Variants in AK9 observed in about 807,000 individuals in gnomAD.
AK9 encodes adenylate kinase 9.
In AK9, 191 loss-of-function variants were observed where a neutral mutation model predicts 239.6. The observed-to-expected ratio is 0.80, with a 90% CI of 0.71 to 0.90. The LOEUF (loss-of-function observed/expected upper bound fraction) is 0.90, where lower values mean the gene tolerates loss of function less well. AK9 is among the 40% of genes least tolerant of loss of function. The probability of loss-of-function intolerance (pLI) is 0.00; values close to 1 mark genes in which losing one functional copy is unlikely to be tolerated. For missense variants in AK9, 1,995 were observed against 2,214.7 expected (o/e 0.90, Z 1.99); for synonymous variants, 689 against 721.0 (o/e 0.96, Z 0.71).
At chr6:109,565,389 C>T (rs1786335500) in intron 21 of AK9, among the ~76,000 whole-genome samples, 1 of 152,122 alleles carries the variant, frequency 6.6e-6, no homozygotes, top group Non-Finnish European at 1.5e-5. Context: ...GTGGGAAGAT[C>T]ACTTGATCCC....
chr6:109,520,123 A>C (rs1408564577), intron 29 of AK9, among the ~76,000 whole-genome samples: 1 of 151,956 alleles, frequency 6.6e-6, no homozygotes, highest in East Asian at 1.9e-4. Context: ...GTGGGAGCTA[A>C]GCTCCCACTT....
chr6:109,686,185 A>C (rs1461763797), intron 1 of AK9, among the ~76,000 whole-genome samples: 1 of 152,238 alleles, frequency 6.6e-6, no homozygotes, highest in Non-Finnish European at 1.5e-5. Context: ...TTGATCCACA[A>C]TATTGACAAT....
intron 39 of AK9, 83 bp downstream of exon 39, chr6:109,495,255 G>T: frequency 8.8e-7 from 1 of 1,130,660 alleles, no homozygotes; most frequent in Non-Finnish European, 1.2e-6. Context: ...GAATTTTATT[G>T]TTCCCAAAAT....
chr6:109,573,915 A>G (rs1787739806), intron 20 of AK9, among the ~76,000 whole-genome samples: 1 of 152,198 alleles, frequency 6.6e-6, no homozygotes, highest in Admixed American at 6.5e-5. Flanking sequence ...TGGCTACATC[A>G]GCACCATTCA....
chr6:109,602,217 G>T (rs1792112012), intron 17 of AK9, among the ~76,000 whole-genome samples: 1 of 152,160 alleles, frequency 6.6e-6, no homozygotes, highest in African/African-American at 2.4e-5. Context: ...GGTACTGGTT[G>T]TTCCTTTCCA....
intron 27 of AK9, among the ~76,000 whole-genome samples, chr6:109,540,566 C>T (rs1044253311): frequency 1.3e-4 from 20 of 152,210 alleles, no homozygotes; most frequent in African/African-American, 4.8e-4. Context: ...GAGGTGATGA[C>T]TTGCCCTGCT....
At chr6:109,514,530 GA>G (rs1052430650) in intron 31 of AK9, 93 bp from the exon 32 acceptor site, 106 of 1,090,994 alleles carry the variant, frequency 9.7e-5, no homozygotes, top group South Asian at 3.5e-4. Flanking sequence ...CGTGACATAA[GA>G]AAAAAAAATT....
intron 25 of AK9, among the ~76,000 whole-genome samples, chr6:109,548,003 A>G (rs1783813929): frequency 6.6e-6 from 1 of 152,170 alleles, no homozygotes; most frequent in Admixed American, 6.5e-5. Context: ...TCAAAACCAC[A>G]GTGAGATATC....
intron 29 of AK9, among the ~76,000 whole-genome samples, chr6:109,517,453 G>A (rs17608956): frequency 0.012 from 1,761 of 152,178 alleles, 16 homozygotes; most frequent in Non-Finnish European, 0.019. Flanking sequence ...TGGTCTTCAG[G>A]AACAATATTT....
intron 12 of AK9, among the ~76,000 whole-genome samples, chr6:109,626,115 C>T (rs1408823034): frequency 6.6e-6 from 1 of 152,114 alleles, no homozygotes; most frequent in East Asian, 1.9e-4. Context: ...TGCAGTCAAG[C>T]TAATTCAGTA....
Position 109,675,624 on chromosome 6 carries a change from C to A in AK9, c.117+5G>T. The A allele has an allele frequency of 6.8e-7, 1 of 1,464,168 alleles. No individual in the cohort carries two copies. Among genetic ancestry groups the A allele is most frequent in the Non-Finnish European group, 9.2e-7 (1 of 1,091,490 alleles). 90.7% of individuals were successfully genotyped at this position (1,464,168 alleles called of 1,614,324 possible). A position where few individuals can be genotyped will look rare whatever the true frequency, so the allele number is the denominator to read the frequency against. On this transcript the variant is annotated splice_donor_5th_base_variant and intron_variant, in intron 2 of 40. Coordinates refer to ENST00000424296, the MANE Select transcript of AK9 (RefSeq NM_001145128.3). The stretch of plus-strand genomic sequence containing the variant: ...AATTATACCAAATAATAAGAGATAA[C>A]TTACTGGTTTCCCAAATACAACAAA...
chr6:109,638,994 T>C (rs559267111), intron 10 of AK9, among the ~76,000 whole-genome samples: 4 of 152,346 alleles, frequency 2.6e-5, no homozygotes, highest in African/African-American at 9.6e-5. Context: ...TCCTTTTTTA[T>C]GGCTGCATAG....
intron 20 of AK9, among the ~76,000 whole-genome samples, chr6:109,573,961 A>G (rs1787750028): frequency 6.6e-6 from 1 of 152,200 alleles, no homozygotes; most frequent in African/African-American, 2.4e-5. Context: ...GCTATTGAGT[A>G]CTTGAAATGA....
chr6:109,500,034 T>TACAC (rs36086518), intron 35 of AK9, among the ~76,000 whole-genome samples: 36,417 of 141,236 alleles, frequency 0.26, 5,036 homozygotes, highest in East Asian at 0.47. Flanking sequence ...ATATATATGA[T>TACAC]ACACACACAC....
chr6:109,504,353 G>A (rs1216375906), intron 35 of AK9, among the ~76,000 whole-genome samples: 1 of 152,034 alleles, frequency 6.6e-6, no homozygotes, highest in African/African-American at 2.4e-5. Context: ...AACAGAGCAA[G>A]CCCCTGTCTC....
intron 1 of AK9, among the ~76,000 whole-genome samples, chr6:109,679,694 A>T (rs544792400): frequency 4.2e-4 from 64 of 152,270 alleles, no homozygotes; most frequent in Admixed American, 1.3e-3. Context: ...CAGACACCTC[A>T]TACAGGAGAG....
In AK9 at chr6:109,506,483, T is replaced by A. The variant is rs771452631; in HGVS notation, c.4693A>T (p.Asn1565Tyr). 1 of 1,613,314 alleles carries A rather than the reference T, an allele frequency of 6.2e-7. No individual in the cohort carries two copies. Among genetic ancestry groups the A allele is most frequent in the Admixed American group, 1.7e-5 (1 of 59,942 alleles). Residue 1565 changes from asparagine (N) to tyrosine (Y), a missense_variant, in exon 35 of 41, where the codon AAT becomes TAT. This residue lies in a region of AK9 where 391 missense variants were observed against 456.0 expected (regional missense o/e 0.86). Coordinates refer to ENST00000424296, the MANE Select transcript of AK9 (RefSeq NM_001145128.3). ...TAATATTGCCTAATCTCACCAATAT[T>A]TTTGCGATACTTTACATTATTGACA... ...VAVNNVKYRK[N>Y]IGEIRQYYQE...
Position 109,619,081 on chromosome 6 carries a change from A to G in AK9, c.1399+11T>C, listed in dbSNP as rs1194988740. ...TAAACTTAAAACACACATTTTAAAA[A>G]GATGTTTCACCTTGTTTTCTAGCTT... On this transcript the variant is annotated intron_variant, in intron 13 of 40. Transcript: ENST00000424296. 1 of 1,528,046 alleles carries G rather than the reference A, an allele frequency of 6.5e-7. No homozygotes were observed. The highest frequency in any genetic ancestry group is 1.4e-5 in the African/African-American group (1 of 71,374). 94.7% of individuals were successfully genotyped at this position (1,528,046 alleles called of 1,614,324 possible).
Position 109,662,571 on chromosome 6 carries a change from C to G in AK9, c.424G>C (p.Asp142His). The change falls in exon 6 of 41, where the codon GAT (aspartate) becomes CAT (histidine). Residue 142 changes from aspartate (D) to histidine (H), a missense_variant. By Grantham distance (81) the Asp-to-His change is moderately conservative. Transcript: ENST00000424296. ...CTTACCTTTATATTGATTATAACAT[C>G]AGGTTTCAGGTTTAAGTTTTTAATT... ...ELIKNLNLKP[D>H]VIINIKCPDY... 1 of 1,558,492 alleles carries G rather than the reference C, an allele frequency of 6.4e-7. No individual in the cohort carries two copies. The highest frequency in any genetic ancestry group is 8.7e-7 in the Non-Finnish European group (1 of 1,151,836).
Sources: gnomAD v4.1 joint callset for allele counts (sites outside exome capture counted in the v4.1 genomes callset) on GRCh38, gnomAD v4.1.1 for gene constraint, gnomAD v4.1.1 regional missense constraint, MANE v1.5 for transcripts, NCBI Gene and HGNC (gene_info 2026-07-23, HGNC 2026-07-21) for gene names.